The following DRC2 variants were observed in gnomAD, a reference collection of about 807,000 sequenced individuals.
DRC2 encodes the protein dynein regulatory complex subunit 2, also known as coiled-coil domain containing 65.
the DRC2 span, among the ~76,000 whole-genome samples, chr12:48,909,778 CTTTTTTT>C: frequency 7.2e-6 from 1 of 139,010 alleles, no homozygotes; most frequent in African/African-American, 2.7e-5. Context: ...CGCCCAGCCT[CTTTTTTT>C]TTTTTTTTTT....
At chr12:48,905,046 A>C in the DRC2 span, 1 of 1,614,114 alleles carries the variant, frequency 6.2e-7, no homozygotes, top group East Asian at 2.2e-5. Flanking sequence ...AGAGAACTTC[A>C]TAAGGACATT....
At chr12:48,917,670 A>G in the DRC2 span, among the ~76,000 whole-genome samples, 1 of 152,158 alleles carries the variant, frequency 6.6e-6, no homozygotes, top group African/African-American at 2.4e-5. Context: ...CACCAAGGAG[A>G]TCATCTGGCT....
chr12:48,908,615 ATTTATTTT>A, the DRC2 span, among the ~76,000 whole-genome samples: 1 of 146,778 alleles, frequency 6.8e-6, no homozygotes, highest in African/African-American at 2.5e-5. Flanking sequence ...TTATTTATTT[ATTTATTTT>A]ATTTTTAGAC....
chr12:48,913,133 CAAA>C, the DRC2 span, among the ~76,000 whole-genome samples: 1 of 69,826 alleles, frequency 1.4e-5, no homozygotes. Flanking sequence ...GACTCCGTCT[CAAA>C]AAAAAAAAAA....
chr12:48,909,037 CTTTTTT>C, the DRC2 span, among the ~76,000 whole-genome samples: 73 of 82,392 alleles, frequency 8.9e-4, no homozygotes, highest in East Asian at 7.7e-3. Context: ...TTTTCTTTCT[CTTTTTT>C]TTTTTTTTTT....
chr12:48,916,862 T>TAC, the DRC2 span: 9 of 984,442 alleles, frequency 9.1e-6, no homozygotes, highest in South Asian at 1.7e-4. Flanking sequence ...TCTCCATCAG[T>TAC]ACCTAAGAGT....
the DRC2 span, among the ~76,000 whole-genome samples, chr12:48,910,295 G>A: frequency 1.3e-5 from 2 of 152,196 alleles, no homozygotes; most frequent in African/African-American, 4.8e-5. Flanking sequence ...GGAGCAGTGG[G>A]CATATCTTTT....
At chr12:48,904,882 G>A in the DRC2 span, 5 of 1,367,968 alleles carry the variant, frequency 3.7e-6, no homozygotes, top group Non-Finnish European at 5.0e-6. Context: ...TAAATTAAGA[G>A]TGATCTTGTT....
chr12:48,915,771 CG>C, the DRC2 span, among the ~76,000 whole-genome samples: 15 of 147,428 alleles, frequency 1.0e-4, no homozygotes, highest in Admixed American at 4.1e-4. Context: ...GCTGGCCGGG[CG>C]GGGGGCTGAC....
chr12:48,917,866 A>C, the DRC2 span, among the ~76,000 whole-genome samples: 48 of 152,246 alleles, frequency 3.2e-4, 1 homozygote, highest in South Asian at 9.9e-3. Flanking sequence ...TTGGGTATGG[A>C]GTTCTTTGTT....
At chr12:48,909,037 C>CTTTTTTTTTTTTTTTTT in the DRC2 span, among the ~76,000 whole-genome samples, 2 of 82,392 alleles carry the variant, frequency 2.4e-5, no homozygotes, top group South Asian at 4.6e-4. Flanking sequence ...TTTTCTTTCT[C>CTTTTTTTTTTTTTTTTT]TTTTTTTTTT....
At chr12:48,920,442 A>T in the DRC2 span, among the ~76,000 whole-genome samples, 33,311 of 53,152 alleles carry the variant, frequency 0.63, 8,956 homozygotes, top group South Asian at 0.76. Context: ...ACTCCATCTT[A>T]AAAAAAAAAA....
chr12:48,918,162 C>A, the DRC2 span: 1 of 952,038 alleles, frequency 1.1e-6, no homozygotes, highest in Non-Finnish European at 1.6e-6. Flanking sequence ...TCATGGGAGA[C>A]CTCTGTACTA....
the DRC2 span, among the ~76,000 whole-genome samples, chr12:48,915,998 G>A: frequency 4.2e-4 from 62 of 149,390 alleles, no homozygotes; most frequent in African/African-American, 1.4e-3. Context: ...CATCCCAGAC[G>A]ATGGGCGGCC....
At chr12:48,917,282 C>CA in the DRC2 span, among the ~76,000 whole-genome samples, 1 of 130,126 alleles carries the variant, frequency 7.7e-6, no homozygotes, top group Non-Finnish European at 1.6e-5. Flanking sequence ...GAGTCCCCCC[C>CA]ATCTCTACCG....
chr12:48,918,724 A>G, the DRC2 span: 1 of 1,614,058 alleles, frequency 6.2e-7, no homozygotes. Flanking sequence ...CATGATACAC[A>G]GCCGTGAGAG....
At chr12:48,920,465 A>AAAAAAAAAAAAAAAG in the DRC2 span, among the ~76,000 whole-genome samples, 1 of 148,310 alleles carries the variant, frequency 6.7e-6, no homozygotes, top group Non-Finnish European at 1.5e-5. Flanking sequence ...AAAAAAAAAA[A>AAAAAAAAAAAAAAAG]AAGAATGAGA....
the DRC2 span, among the ~76,000 whole-genome samples, chr12:48,906,753 A>G: frequency 6.6e-6 from 1 of 151,070 alleles, no homozygotes; most frequent in Admixed American, 6.6e-5. Context: ...TTTAGTGGAG[A>G]CGGGATTTCA....
the DRC2 span, among the ~76,000 whole-genome samples, chr12:48,909,242 T>G: frequency 6.6e-6 from 1 of 150,938 alleles, no homozygotes; most frequent in African/African-American, 2.4e-5. Flanking sequence ...GGGGTTTCTC[T>G]ATGTTGGTCA....
Sources: gnomAD v4.1 joint callset for allele counts (sites outside exome capture counted in the v4.1 genomes callset) on GRCh38, gnomAD v4.1.1 for gene constraint, MANE v1.5 for transcripts, NCBI Gene and HGNC (gene_info 2026-07-23, HGNC 2026-07-21) for gene names.